Variants in RASSF3 observed in about 807,000 individuals in gnomAD.
RASSF3 encodes the protein ras association domain-containing protein 3.
In RASSF3, 19 loss-of-function variants were observed where a neutral mutation model predicts 19.9. The observed-to-expected ratio is 0.96, with a 90% CI of 0.67 to 1.40. The LOEUF is 1.40. Ranked by LOEUF, RASSF3 falls within the 40% of genes most tolerant of loss-of-function variation. The pLI is 0.00. For missense variants in RASSF3, 306 were observed against 289.8 expected (o/e 1.06, Z -0.41); for synonymous variants, 110 against 104.2 (o/e 1.06, Z -0.34).
At chr12:64,637,237 A>T (rs138273245) in intron 1 of RASSF3, among the ~76,000 whole-genome samples, 7 of 152,132 alleles carry the variant, frequency 4.6e-5, no homozygotes, top group Non-Finnish European at 1.0e-4. Context: ...TGAAGGTAGG[A>T]GAAGCTTGGA....
intron 2 of RASSF3, among the ~76,000 whole-genome samples, chr12:64,557,935 A>G (rs557422259): frequency 2.4e-4 from 37 of 152,238 alleles, no homozygotes; most frequent in African/African-American, 8.4e-4. Context: ...TTTCATACCT[A>G]TGGATCAGGC....
intron 1 of RASSF3, among the ~76,000 whole-genome samples, chr12:64,644,255 A>G (rs958097160): frequency 3.9e-5 from 6 of 152,174 alleles, no homozygotes; most frequent in African/African-American, 1.4e-4. Flanking sequence ...TTCCTGAAAT[A>G]TATAGAGAGG....
At chr12:64,610,261 A>G (rs1242694252), upstream of RASSF3, among the ~76,000 whole-genome samples, 2 of 151,826 alleles carry the variant, frequency 1.3e-5, no homozygotes, top group African/African-American at 4.8e-5. Context: ...ACGCAGCCCT[A>G]GCGCCCGGCT....
chr12:64,540,892 T>A (rs1277048131), intron 1 of RASSF3, among the ~76,000 whole-genome samples: 2 of 151,668 alleles, frequency 1.3e-5, no homozygotes, highest in African/African-American at 2.4e-5. Context: ...CAACTCAACC[T>A]CCCAAGTAGC....
intron 2 of RASSF3, among the ~76,000 whole-genome samples, chr12:64,585,281 C>A (rs1415739412): frequency 6.6e-6 from 1 of 152,278 alleles, no homozygotes; most frequent in Admixed American, 6.5e-5. Flanking sequence ...TTAGAAGGCC[C>A]TCATGATCTA....
intron 2 of RASSF3, among the ~76,000 whole-genome samples, chr12:64,595,064 CTTTTTTTT>C (rs1171762487): frequency 1.1e-5 from 1 of 90,990 alleles, no homozygotes; most frequent in Non-Finnish European, 2.0e-5. Context: ...CATATGAAAT[CTTTTTTTT>C]TTTTTTTTTT....
chr12:64,531,162 A>G (rs535158814), upstream of RASSF3, among the ~76,000 whole-genome samples: 2 of 152,280 alleles, frequency 1.3e-5, no homozygotes, highest in African/African-American at 4.8e-5. Flanking sequence ...TCTTCTAGAA[A>G]TTGTATAGCT....
chr12:64,620,913 AT>A (rs1398311006), intron 1 of RASSF3, among the ~76,000 whole-genome samples: 2 of 152,134 alleles, frequency 1.3e-5, no homozygotes, highest in Non-Finnish European at 2.9e-5. Flanking sequence ...TTGCTATTTA[AT>A]TTACATTCCT....
intron 1 of RASSF3, among the ~76,000 whole-genome samples, chr12:64,682,598 T>G (rs1873178412): frequency 6.7e-6 from 1 of 149,770 alleles, no homozygotes; most frequent in African/African-American, 2.5e-5. Flanking sequence ...GTCACCGAGA[T>G]AATTTGTAGT....
intron 1 of RASSF3, chr12:64,515,540 T>G (rs1177152516): frequency 6.6e-6 from 1 of 152,008 alleles, no homozygotes; most frequent in Admixed American, 6.6e-5. Flanking sequence ...ACTTCTTGAG[T>G]CCTACTTCTT....
chr12:64,605,837 G>A (rs988818554), upstream of RASSF3, among the ~76,000 whole-genome samples: 2 of 144,876 alleles, frequency 1.4e-5, no homozygotes, highest in Admixed American at 7.1e-5. Context: ...GCGGTGAGCC[G>A]AGATTGCACC....
Position 64,576,453 on chromosome 12 carries a change from A to G in RASSF3, c.294+34748A>G, listed in dbSNP as rs80208391. ...TAAAGATTCTAGAGGATATCACAAG[A>G]GAATATCTCTAAGATCTTGGGGGTA... is the stretch of plus-strand genomic sequence containing the variant. On this transcript the variant is annotated intron_variant, in intron 2 of 5. Transcript: ENST00000637125. Among the ~76,000 whole-genome samples the G allele has an allele frequency of 6.0e-4, 92 of 152,334 alleles. 1 individual carries two copies. In the East Asian group the frequency reaches 0.013, roughly 21 times the overall value.
At chr12:64,625,445 CTT>C (rs398044420) in intron 1 of RASSF3, among the ~76,000 whole-genome samples, 10 of 144,856 alleles carry the variant, frequency 6.9e-5, no homozygotes, top group African/African-American at 1.3e-4. Context: ...ACATTGTACA[CTT>C]TTTTTTTTTT....
At chr12:64,677,207 G>A (rs570082112) in intron 1 of RASSF3, among the ~76,000 whole-genome samples, 1 of 152,164 alleles carries the variant, frequency 6.6e-6, no homozygotes, top group African/African-American at 2.4e-5. Flanking sequence ...TTAAAATTCA[G>A]TTCTCATTTC....
chr12:64,524,198 T>G (rs988309885), intron 1 of RASSF3, among the ~76,000 whole-genome samples: 9 of 151,544 alleles, frequency 5.9e-5, no homozygotes, highest in African/African-American at 1.9e-4. Context: ...ACTACAGGGG[T>G]GTGCCACCAT....
intron 3 of RASSF3, 21 bp downstream of exon 3, chr12:64,688,474 G>A (rs1873448657): frequency 1.3e-6 from 2 of 1,544,066 alleles, no homozygotes; most frequent in Non-Finnish European, 1.8e-6. Context: ...AGCTTAAAAG[G>A]AAAATGGTCT....
chr12:64,559,267 G>A (rs1458995973), intron 2 of RASSF3, among the ~76,000 whole-genome samples: 16 of 140,810 alleles, frequency 1.1e-4, no homozygotes, highest in East Asian at 8.2e-4. Flanking sequence ...TTTTTGAGGC[G>A]GAGTCTCACA....
intron 2 of RASSF3, among the ~76,000 whole-genome samples, chr12:64,583,908 C>T (rs1592408272): frequency 6.6e-6 from 1 of 152,160 alleles, no homozygotes; most frequent in African/African-American, 2.4e-5. Flanking sequence ...TTCTGATAAA[C>T]GTACATTTTA....
intron 1 of RASSF3, among the ~76,000 whole-genome samples, chr12:64,637,812 C>G (rs1335193631): frequency 2.0e-5 from 3 of 151,022 alleles, no homozygotes; most frequent in African/African-American, 7.3e-5. Context: ...TTGCTTTGTG[C>G]CCTTTTTCTA....
Sources: allele counts gnomAD v4.1 joint callset (sites outside exome capture counted in the v4.1 genomes callset), GRCh38; gene constraint gnomAD v4.1.1; transcripts MANE v1.5; gene names NCBI Gene and HGNC (gene_info 2026-07-23, HGNC 2026-07-21).